The following LINGO2 variants were observed in gnomAD, a reference collection of about 807,000 sequenced individuals.
LINGO2 encodes leucine-rich repeat and immunoglobulin-like domain-containing nogo receptor-interacting protein 2.
LINGO2 carries 14 observed loss-of-function variants against 30.6 expected under a neutral mutation model. The ratio of observed to expected loss-of-function variants is 0.46; its 90% CI spans 0.30 to 0.72. The LOEUF is 0.72. Among genes scored for constraint, LINGO2 ranks in the 30% least tolerant of loss-of-function variants. LINGO2 has a pLI of 0.07. For missense variants in LINGO2, 729 were observed against 751.7 expected, an observed-to-expected ratio of 0.97 and a Z score of 0.35; for synonymous variants, 317 against 288.5, an observed-to-expected ratio of 1.10 and a Z score of -1.00.
chr9:28,000,614 G>GA (rs1463124567), intron 5 of LINGO2, among the ~76,000 whole-genome samples: 14 of 152,256 alleles, frequency 9.2e-5, no homozygotes, highest in African/African-American at 3.1e-4. Context: ...TATTCAATCA[G>GA]ACAAACATTT....
intron 3 of LINGO2, among the ~76,000 whole-genome samples, chr9:28,353,693 C>A (rs1283126989): frequency 1.3e-5 from 2 of 152,110 alleles, no homozygotes; most frequent in Admixed American, 6.6e-5. Context: ...GCTATAAAGA[C>A]ACATGCACAC....
chr9:27,974,459 TCACCTTCCTATTGAGTC>T (rs1357018835), intron 5 of LINGO2, among the ~76,000 whole-genome samples: 3 of 152,004 alleles, frequency 2.0e-5, no homozygotes, highest in African/African-American at 7.3e-5. Context: ...CAGCGCAGAG[TCACCTTCCTATTGAGTC>T]ACCAAAGGCC....
At chr9:29,164,233 C>A in the LINGO2 span, among the ~76,000 whole-genome samples, 1 of 152,144 alleles carries the variant, frequency 6.6e-6, no homozygotes, top group Non-Finnish European at 1.5e-5. Flanking sequence ...ACCTTAGTTA[C>A]CGCAGCCGAG....
chr9:28,914,290 A>G, the LINGO2 span, among the ~76,000 whole-genome samples: 1 of 152,194 alleles, frequency 6.6e-6, no homozygotes, highest in East Asian at 1.9e-4. Flanking sequence ...CACAGACCAG[A>G]TAAAAGTATC....
intron 2 of LINGO2, among the ~76,000 whole-genome samples, chr9:28,434,242 T>A (rs1242792846): frequency 1.3e-5 from 2 of 150,694 alleles, no homozygotes; most frequent in African/African-American, 2.4e-5. Flanking sequence ...GACTACAAAT[T>A]GTGTAGTCAG....
intron 3 of LINGO2, among the ~76,000 whole-genome samples, chr9:28,309,790 T>A (rs13299028): frequency 2.0e-5 from 3 of 151,670 alleles, no homozygotes; most frequent in Non-Finnish European, 4.4e-5. Context: ...GTAAAATACC[T>A]AAAGAACTCT....
chr9:29,073,761 G>A, the LINGO2 span, among the ~76,000 whole-genome samples: 5 of 152,154 alleles, frequency 3.3e-5, no homozygotes, highest in African/African-American at 1.2e-4. Flanking sequence ...TAATCTTACT[G>A]GCTTCAGTGT....
chr9:28,657,321 A>G (rs1828391289), intron 1 of LINGO2, among the ~76,000 whole-genome samples: 1 of 152,096 alleles, frequency 6.6e-6, no homozygotes, highest in Non-Finnish European at 1.5e-5. Flanking sequence ...GAAAAGTATT[A>G]CTGTTAATTT....
intron 4 of LINGO2, among the ~76,000 whole-genome samples, chr9:28,013,462 T>C (rs2119273769): frequency 1.3e-5 from 2 of 152,336 alleles, no homozygotes; most frequent in South Asian, 4.1e-4. Context: ...TCCTCTAGCA[T>C]AGTTATTCAG....
chr9:28,578,785 C>T (rs1287186154), intron 1 of LINGO2, among the ~76,000 whole-genome samples: 1 of 152,118 alleles, frequency 6.6e-6, no homozygotes, highest in Non-Finnish European at 1.5e-5. Context: ...CTGTGACTTG[C>T]TAGTTAGCCC....
chr9:28,575,028 T>G (rs1823884686), intron 1 of LINGO2, among the ~76,000 whole-genome samples: 1 of 152,194 alleles, frequency 6.6e-6, no homozygotes, highest in Non-Finnish European at 1.5e-5. Flanking sequence ...ATGCAGCTTT[T>G]AAAAGAACAA....
the LINGO2 span, among the ~76,000 whole-genome samples, chr9:28,815,020 A>G: frequency 3.3e-5 from 5 of 151,990 alleles, no homozygotes; most frequent in Non-Finnish European, 7.3e-5. Context: ...TCAAATAATA[A>G]AATTGAAAAC....
intron 1 of LINGO2, among the ~76,000 whole-genome samples, chr9:28,503,898 C>G (rs944601598): frequency 6.6e-6 from 1 of 151,628 alleles, no homozygotes; most frequent in Non-Finnish European, 1.5e-5. Context: ...GACAGATTGA[C>G]CAATAAATAA....
Position 28,484,889 on chromosome 9 carries a change from A to T in LINGO2, c.-364-8864T>A, listed in dbSNP as rs77714035. Among the ~76,000 whole-genome samples, 814 of 152,170 alleles carry T rather than the reference A, an allele frequency of 5.3e-3. 10 individuals are homozygous for T. The highest frequency in any genetic ancestry group is 0.018 in the African/African-American group (757 of 41,546). On this transcript the variant is annotated intron_variant, in intron 1 of 5. Transcript: ENST00000379992. ...CAACCCACAGACAACACTTCAATCA[A>T]TTGTCTGTTAAGTCTCCAAAATATT...
the LINGO2 span, among the ~76,000 whole-genome samples, chr9:29,060,588 A>G: frequency 6.6e-6 from 1 of 152,086 alleles, no homozygotes; most frequent in South Asian, 2.1e-4. Context: ...ATATAAAACA[A>G]TAACTTTAAA....
intron 2 of LINGO2, among the ~76,000 whole-genome samples, chr9:28,469,685 GA>G (rs1049176684): frequency 1.3e-5 from 2 of 152,052 alleles, no homozygotes; most frequent in South Asian, 4.1e-4. Flanking sequence ...GCTAAAATAA[GA>G]AAAAAACCTG....
chr9:28,332,675 C>T (rs1825465141), intron 3 of LINGO2, among the ~76,000 whole-genome samples: 1 of 151,762 alleles, frequency 6.6e-6, no homozygotes, highest in Non-Finnish European at 1.5e-5. Context: ...CTGACTGGTT[C>T]CTCTCATGAA....
At chr9:28,542,392 G>GA (rs149974034) in intron 1 of LINGO2, among the ~76,000 whole-genome samples, 4,261 of 152,108 alleles carry the variant, frequency 0.028, 101 homozygotes, top group Middle Eastern at 0.051. Context: ...GAGGCCTAAG[G>GA]AAAGATGGCC....
rs1265742262 is a variant in LINGO2 at position 28,210,385 on chromosome 9, T to C, written c.-87+84823A>G. ...TTCTGTTTTCTATCCTCGAACTCCA[T>C]CACTTTGATGTGATATTAATATATG... is the stretch of plus-strand genomic sequence containing the variant. On this transcript the variant is annotated intron_variant, in intron 4 of 5. Transcript: ENST00000379992. Among the ~76,000 whole-genome samples, 12 of 151,592 alleles carry C rather than the reference T, an allele frequency of 7.9e-5. 1 individual carries two copies. Among genetic ancestry groups the C allele is most frequent in the Admixed American group, 7.9e-4 (12 of 15,174 alleles).
Sources: allele counts gnomAD v4.1 joint callset (sites outside exome capture counted in the v4.1 genomes callset), GRCh38; gene constraint gnomAD v4.1.1; transcripts MANE v1.5; gene names NCBI Gene and HGNC (gene_info 2026-07-23, HGNC 2026-07-21).